The following GABBR2 variants were observed in gnomAD, a reference collection of about 807,000 sequenced individuals.
GABBR2 encodes G-protein coupled receptor 51.
In GABBR2, 23 loss-of-function variants were observed where a neutral mutation model predicts 105.6. The ratio of observed to expected loss-of-function variants is 0.22; its 90% CI spans 0.16 to 0.31. The LOEUF (loss-of-function observed/expected upper bound fraction) is 0.31. Among genes scored for constraint, GABBR2 ranks in the 10% least tolerant of loss-of-function variants. The probability of loss-of-function intolerance (pLI) is 1.00; values close to 1 mark genes in which losing one functional copy is unlikely to be tolerated. For synonymous variants in GABBR2, 478 were observed against 499.7 expected (o/e 0.96, Z 0.58); for missense variants, 734 against 1,245.5 (o/e 0.59, Z 6.18).
intron 1 of GABBR2, among the ~76,000 whole-genome samples, chr9:98,625,189 C>T (rs375011959): frequency 3.3e-5 from 5 of 152,242 alleles, no homozygotes; most frequent in South Asian, 2.1e-4. Flanking sequence ...AGTTGCCACA[C>T]GGCATGCCCA....
At chr9:98,475,808 C>A (rs1826780621) in intron 5 of GABBR2, among the ~76,000 whole-genome samples, 1 of 152,086 alleles carries the variant, frequency 6.6e-6, no homozygotes, top group Non-Finnish European at 1.5e-5. Context: ...TTGGCTCATG[C>A]CTATAGCACT....
intron 6 of GABBR2, among the ~76,000 whole-genome samples, chr9:98,468,530 G>A (rs1826604903): frequency 6.6e-6 from 1 of 152,158 alleles, no homozygotes; most frequent in Admixed American, 6.5e-5. Flanking sequence ...TTAGTGTCAT[G>A]TTTAAAAAAT....
chr9:98,374,707 C>A (rs10986060), intron 11 of GABBR2, among the ~76,000 whole-genome samples: 20,292 of 152,204 alleles, frequency 0.13, 1,598 homozygotes, highest in African/African-American at 0.2. Context: ...TGCTGGGGGA[C>A]TTAAGCGTGT....
At chr9:98,661,581 A>G (rs1830264438) in intron 1 of GABBR2, among the ~76,000 whole-genome samples, 1 of 151,594 alleles carries the variant, frequency 6.6e-6, no homozygotes, top group South Asian at 2.1e-4. Context: ...TTGTATTTTT[A>G]GTAGAGGCAG....
intron 3 of GABBR2, among the ~76,000 whole-genome samples, chr9:98,501,870 A>T (rs1314926260): frequency 6.6e-6 from 1 of 152,226 alleles, no homozygotes; most frequent in Non-Finnish European, 1.5e-5. Context: ...GAAAGCCAGC[A>T]GTGGGGACAG....
intron 3 of GABBR2, among the ~76,000 whole-genome samples, chr9:98,529,798 A>G (rs1291411074): frequency 6.6e-6 from 1 of 151,814 alleles, no homozygotes; most frequent in East Asian, 1.9e-4. Flanking sequence ...CTACTATCTC[A>G]CTTCTCATTT....
intron 11 of GABBR2, among the ~76,000 whole-genome samples, chr9:98,378,885 C>T (rs1009460912): frequency 5.3e-5 from 8 of 152,192 alleles, no homozygotes; most frequent in Admixed American, 3.9e-4. Context: ...AATATACATA[C>T]TTTTTTTAAG....
At chr9:98,401,687 C>T (rs1832397302) in intron 8 of GABBR2, among the ~76,000 whole-genome samples, 1 of 152,172 alleles carries the variant, frequency 6.6e-6, no homozygotes, top group Admixed American at 6.5e-5. Context: ...GCTACAATTG[C>T]AGGCCTTGAC....
At chr9:98,385,885 G>A (rs1832063388) in intron 10 of GABBR2, 113 bp from the exon 11 acceptor site, 2 of 817,740 alleles carry the variant, frequency 2.4e-6, no homozygotes, top group Non-Finnish European at 3.9e-6. Flanking sequence ...CTAGAGGGGA[G>A]AGAGAGAAAC....
chr9:98,341,059 CTG>C (rs577154914), intron 13 of GABBR2, among the ~76,000 whole-genome samples: 3 of 152,348 alleles, frequency 2.0e-5, no homozygotes, highest in Admixed American at 2.0e-4. Flanking sequence ...TGCTGTGGCT[CTG>C]TCTTTTGTGA....
At chr9:98,652,068 G>C (rs1175850049) in intron 1 of GABBR2, among the ~76,000 whole-genome samples, 1 of 152,132 alleles carries the variant, frequency 6.6e-6, no homozygotes, top group Non-Finnish European at 1.5e-5. Context: ...TAGGTACATG[G>C]GGTATTCTGT....
intron 7 of GABBR2, among the ~76,000 whole-genome samples, chr9:98,412,492 T>C (rs1832608208): frequency 6.6e-6 from 1 of 152,166 alleles, no homozygotes; most frequent in African/African-American, 2.4e-5. Flanking sequence ...GAAAATGTCT[T>C]AAGTTAATGG....
intron 13 of GABBR2, among the ~76,000 whole-genome samples, chr9:98,360,617 T>A (rs1354358959): frequency 6.6e-6 from 1 of 152,186 alleles, no homozygotes; most frequent in African/African-American, 2.4e-5. Flanking sequence ...CCTTGGAAAG[T>A]CTGGAATGTG....
intron 3 of GABBR2, among the ~76,000 whole-genome samples, chr9:98,505,159 GC>G (rs1483761149): frequency 6.6e-6 from 1 of 152,246 alleles, no homozygotes; most frequent in African/African-American, 2.4e-5. Flanking sequence ...TGGGGCATAT[GC>G]TTAAAAACTT....
chr9:98,587,737 T>A (rs1829097339), intron 1 of GABBR2, among the ~76,000 whole-genome samples: 1 of 152,224 alleles, frequency 6.6e-6, no homozygotes, highest in Non-Finnish European at 1.5e-5. Flanking sequence ...AAAGCCAGGA[T>A]TTTAACCTCA....
intron 5 of GABBR2, among the ~76,000 whole-genome samples, chr9:98,478,949 A>T (rs568523577): frequency 3.6e-4 from 55 of 152,250 alleles, no homozygotes; most frequent in African/African-American, 1.1e-3. Context: ...TGGAGAGGGG[A>T]TACCGAGTTT....
At chr9:98,664,870 A>G (rs1830312897) in intron 1 of GABBR2, among the ~76,000 whole-genome samples, 1 of 152,198 alleles carries the variant, frequency 6.6e-6, no homozygotes, top group African/African-American at 2.4e-5. Flanking sequence ...TCAAGCTTGT[A>G]GTCCCAGCAC....
chr9:98,564,375 C>T (rs971382716), intron 2 of GABBR2, among the ~76,000 whole-genome samples: 5 of 152,194 alleles, frequency 3.3e-5, no homozygotes, highest in African/African-American at 1.2e-4. Flanking sequence ...ACAGGCCTAA[C>T]TGGGACAACG....
chr9:98,329,240 T>G (rs1343607823), intron 13 of GABBR2, among the ~76,000 whole-genome samples: 1 of 152,228 alleles, frequency 6.6e-6, no homozygotes, highest in Non-Finnish European at 1.5e-5. Context: ...AGGAATGGTT[T>G]AAACTGGTAG....
Sources: allele counts gnomAD v4.1 joint callset (sites outside exome capture counted in the v4.1 genomes callset), GRCh38; gene constraint gnomAD v4.1.1; transcripts MANE v1.5; gene names NCBI Gene and HGNC (gene_info 2026-07-23, HGNC 2026-07-21).